Variants in KLF12 observed in about 807,000 individuals in gnomAD.
KLF12 encodes KLF transcription factor 12.
KLF12 carries 9 observed loss-of-function variants against 37.8 expected under a neutral mutation model. The observed-to-expected ratio is 0.24, with a 90% CI of 0.14 to 0.42. KLF12 has a LOEUF of 0.42. Ranked by LOEUF, KLF12 falls within the 10% of genes least tolerant of loss-of-function variation. The pLI, the probability that KLF12 is intolerant of heterozygous loss-of-function variation, is 1.00. For missense variants in KLF12, 411 were observed against 516.0 expected, an observed-to-expected ratio of 0.80 and a Z score of 1.97; for synonymous variants, 208 against 202.1, an observed-to-expected ratio of 1.03 and a Z score of -0.25.
the KLF12 span, among the ~76,000 whole-genome samples, chr13:74,169,814 G>A: frequency 6.6e-6 from 1 of 152,182 alleles, no homozygotes; most frequent in South Asian, 2.1e-4. Context: ...CATGAAGATT[G>A]TCTGGAGGGT....
At chr13:74,080,811 A>G (rs1874838470) in intron 1 of KLF12, among the ~76,000 whole-genome samples, 1 of 152,248 alleles carries the variant, frequency 6.6e-6, no homozygotes, top group African/African-American at 2.4e-5. Context: ...GAAATTGATC[A>G]GTTTGACAAC....
chr13:73,792,559 T>C (rs1355371408), intron 5 of KLF12, among the ~76,000 whole-genome samples: 1 of 152,146 alleles, frequency 6.6e-6, no homozygotes, highest in Non-Finnish European at 1.5e-5. Flanking sequence ...GGTGGAAAAG[T>C]ACTAAAATAA....
At chr13:73,809,869 C>G (rs1882835946) in intron 5 of KLF12, among the ~76,000 whole-genome samples, 1 of 152,134 alleles carries the variant, frequency 6.6e-6, no homozygotes, top group African/African-American at 2.4e-5. Context: ...TGTAATGAAT[C>G]TGGCATCTCC....
At chr13:73,976,093 T>TA (rs60828645) in intron 2 of KLF12, among the ~76,000 whole-genome samples, 126,718 of 150,566 alleles carry the variant, frequency 0.84, 53,913 homozygotes, top group Middle Eastern at 0.92. Flanking sequence ...AATAAGTCAT[T>TA]AAAAAAAATG....
At chr13:74,099,360 AG>A (rs1369576642) in intron 1 of KLF12, among the ~76,000 whole-genome samples, 1 of 152,136 alleles carries the variant, frequency 6.6e-6, no homozygotes, top group South Asian at 2.1e-4. Context: ...AAAGAAGAAA[AG>A]AAAAATCACT....
chr13:74,023,908 A>C (rs1269737380), intron 1 of KLF12, among the ~76,000 whole-genome samples: 1 of 152,176 alleles, frequency 6.6e-6, no homozygotes, highest in African/African-American at 2.4e-5. Context: ...GGGGCATGTG[A>C]AATACAGCTA....
At chr13:73,857,169 A>G (rs1271970070) in intron 3 of KLF12, among the ~76,000 whole-genome samples, 1 of 152,160 alleles carries the variant, frequency 6.6e-6, no homozygotes, top group Non-Finnish European at 1.5e-5. Context: ...TTTATGTTTG[A>G]AAGATTACAT....
At chr13:73,775,225 C>CT (rs1034304089) in intron 5 of KLF12, among the ~76,000 whole-genome samples, 1 of 152,002 alleles carries the variant, frequency 6.6e-6, no homozygotes, top group Non-Finnish European at 1.5e-5. Flanking sequence ...GCCTATCACT[C>CT]TTTTTTCAAA....
intron 2 of KLF12, among the ~76,000 whole-genome samples, chr13:73,992,798 C>T (rs1892004769): frequency 6.6e-6 from 1 of 152,194 alleles, no homozygotes; most frequent in Non-Finnish European, 1.5e-5. Context: ...AATTTTCAAA[C>T]TCTGCAATTT....
the KLF12 span, among the ~76,000 whole-genome samples, chr13:74,299,124 GC>G: frequency 1.3e-5 from 2 of 152,204 alleles, no homozygotes; most frequent in African/African-American, 4.8e-5. Flanking sequence ...TTATGCAAAG[GC>G]CCTGAGGCTG....
At chr13:73,922,489 T>C (rs1889163213) in intron 3 of KLF12, among the ~76,000 whole-genome samples, 2 of 152,204 alleles carry the variant, frequency 1.3e-5, no homozygotes, top group Non-Finnish European at 2.9e-5. Flanking sequence ...GTGACATGAA[T>C]CTTATGTGTA....
chr13:73,822,324 T>C (rs1883575195), intron 4 of KLF12, among the ~76,000 whole-genome samples: 1 of 152,236 alleles, frequency 6.6e-6, no homozygotes, highest in East Asian at 1.9e-4. Flanking sequence ...TTCAGCTAAA[T>C]TCCATTTAAT....
intron 1 of KLF12, among the ~76,000 whole-genome samples, chr13:74,039,410 G>A (rs183609531): frequency 1.6e-3 from 239 of 151,910 alleles, no homozygotes; most frequent in African/African-American, 5.6e-3. Flanking sequence ...GCATATGCCC[G>A]TAGTCCCAGC....
the KLF12 span, among the ~76,000 whole-genome samples, chr13:74,275,399 G>A: frequency 4.6e-5 from 7 of 152,190 alleles, no homozygotes; most frequent in South Asian, 2.1e-4. Flanking sequence ...TCTATATTCC[G>A]TTATAGTCTA....
At chr13:73,935,452 T>TA (rs1186738812) in intron 3 of KLF12, among the ~76,000 whole-genome samples, 7 of 152,126 alleles carry the variant, frequency 4.6e-5, no homozygotes, top group African/African-American at 1.7e-4. Context: ...CCTCCAATGT[T>TA]AGAGGTGGGC....
intron 3 of KLF12, among the ~76,000 whole-genome samples, chr13:73,846,882 T>C (rs1242169416): frequency 6.6e-6 from 1 of 152,206 alleles, no homozygotes; most frequent in Non-Finnish European, 1.5e-5. Flanking sequence ...ATGGAAGTCA[T>C]TTCTAATAAT....
At chr13:73,766,595 T>C (rs1236317683) in intron 5 of KLF12, among the ~76,000 whole-genome samples, 2 of 152,208 alleles carry the variant, frequency 1.3e-5, no homozygotes, top group Non-Finnish European at 2.9e-5. Context: ...ACTTTCCCTA[T>C]ACCCTCACTG....
intron 1 of KLF12, among the ~76,000 whole-genome samples, chr13:74,091,425 A>T (rs919445874): frequency 2.6e-5 from 4 of 152,218 alleles, no homozygotes; most frequent in Non-Finnish European, 5.9e-5. Flanking sequence ...TTGGAATCAT[A>T]GAGTATGAAG....
chr13:73,873,366 T>G (rs1662418100), intron 3 of KLF12, among the ~76,000 whole-genome samples: 2 of 152,158 alleles, frequency 1.3e-5, no homozygotes, highest in African/African-American at 4.8e-5. Flanking sequence ...GGCTTGAGAT[T>G]TCAATCATTT....
Sources: allele counts gnomAD v4.1 joint callset (sites outside exome capture counted in the v4.1 genomes callset), GRCh38; gene constraint gnomAD v4.1.1; transcripts MANE v1.5; gene names NCBI Gene and HGNC (gene_info 2026-07-23, HGNC 2026-07-21).